DSCAM: variants seen among roughly 807,000 people sequenced by gnomAD.
DSCAM encodes the protein DS cell adhesion molecule.
DSCAM carries 47 observed loss-of-function variants against 217.7 expected under a neutral mutation model. That is an observed-to-expected ratio of 0.22 (90% confidence interval 0.17 to 0.28). The LOEUF is 0.28. DSCAM is among the 10% of genes least tolerant of loss of function. The pLI, the probability that DSCAM is intolerant of heterozygous loss-of-function variation, is 1.00. For synonymous variants in DSCAM, 1,056 were observed against 1,015.3 expected (o/e 1.04, Z -0.76); for missense variants, 2,080 against 2,618.3 (o/e 0.79, Z 4.49).
chr21:40,269,556 A>T (rs531797144), intron 11 of DSCAM, among the ~76,000 whole-genome samples: 1 of 152,306 alleles, frequency 6.6e-6, no homozygotes, highest in Admixed American at 6.5e-5. Context: ...ACAAAGTTCC[A>T]CAAACTGGGG....
At chr21:40,782,369 G>A (rs1415230738) in intron 1 of DSCAM, among the ~76,000 whole-genome samples, 1 of 152,126 alleles carries the variant, frequency 6.6e-6, no homozygotes, top group African/African-American at 2.4e-5. Context: ...ATTAGCCTAA[G>A]CATCTTAGTT....
At chr21:40,145,983 T>TATAG (rs2090351873) in intron 16 of DSCAM, among the ~76,000 whole-genome samples, 1 of 47,362 alleles carries the variant, frequency 2.1e-5, no homozygotes, top group African/African-American at 3.7e-5. Flanking sequence ...CATGTGTATG[T>TATAG]ATGTATACAT....
chr21:40,697,924 T>C (rs757632771), intron 2 of DSCAM, among the ~76,000 whole-genome samples: 10 of 152,196 alleles, frequency 6.6e-5, no homozygotes, highest in South Asian at 2.1e-4. Flanking sequence ...TTGAGTAGTA[T>C]AGATATTTTA....
At chr21:40,118,669 T>C (rs547495102) in intron 20 of DSCAM, among the ~76,000 whole-genome samples, 55 of 152,364 alleles carry the variant, frequency 3.6e-4, no homozygotes, top group African/African-American at 1.3e-3. Context: ...TCTGATCATA[T>C]TACCCTTTCC....
chr21:40,081,291 C>G (rs2089452404), intron 24 of DSCAM, among the ~76,000 whole-genome samples: 1 of 150,948 alleles, frequency 6.6e-6, no homozygotes, highest in Admixed American at 6.6e-5. Flanking sequence ...CTATTCCTGT[C>G]CTGTGGAGCT....
chr21:40,013,204 T>TGGAGGAGGC lies in DSCAM; in HGVS notation c.5860_5868dup (p.Ala1954_Ser1956dup), dbSNP rs763074423. 40 of 1,613,554 alleles carry TGGAGGAGGC rather than the reference T, an allele frequency of 2.5e-5. No individual in the cohort carries two copies. The highest frequency in any genetic ancestry group is 2.1e-5 in the Non-Finnish European group (25 of 1,179,860). On this transcript the variant is annotated inframe_insertion, in exon 33 of 33. Coordinates refer to ENST00000400454, the MANE Select transcript of DSCAM (RefSeq NM_001389.5). ...GGCTGCCACGACTGTCCTTCTCTCG[T>TGGAGGAGGC]GGAGGAGGCGGAGGAGGCGGCTTCC... is the stretch of plus-strand genomic sequence containing the variant.
intron 8 of DSCAM, among the ~76,000 whole-genome samples, chr21:40,328,616 G>T (rs1488392692): frequency 6.6e-6 from 1 of 151,968 alleles, no homozygotes; most frequent in African/African-American, 2.4e-5. Context: ...GACAACAAAC[G>T]CAAAAATAGA....
chr21:40,328,858 C>A (rs969625496), intron 8 of DSCAM, among the ~76,000 whole-genome samples: 7 of 151,970 alleles, frequency 4.6e-5, no homozygotes, highest in African/African-American at 1.7e-4. Context: ...GGCAATGAAC[C>A]TGAATAAACA....
chr21:40,052,925 A>G (rs922095105), intron 29 of DSCAM, among the ~76,000 whole-genome samples: 12 of 152,118 alleles, frequency 7.9e-5, no homozygotes, highest in African/African-American at 2.7e-4. Flanking sequence ...ACCTTGTGAT[A>G]TGTTTCATAC....
rs539056963 is a variant in DSCAM, at chr21:40,178,865, T to C, written c.2947+62A>G. The C allele has an allele frequency of 3.9e-5, 62 of 1,600,796 alleles. No individual in the cohort carries two copies. The East Asian group carries it at 1.3e-3, about 35-fold the overall frequency. ...AGGTCTGCTTCTGCATTTAAGCATC[T>C]GAGCCCTCAAGAGTTAGCTCCCGGG... On this transcript the variant is annotated intron_variant, in intron 15 of 32. Transcript: ENST00000400454.
At chr21:40,450,227 C>G (rs927685178) in intron 3 of DSCAM, among the ~76,000 whole-genome samples, 6 of 152,192 alleles carry the variant, frequency 3.9e-5, no homozygotes, top group African/African-American at 1.4e-4. Context: ...AATAATACAT[C>G]TGAAGATTCC....
chr21:40,142,116 A>G (rs891401458), intron 18 of DSCAM, among the ~76,000 whole-genome samples: 2 of 152,162 alleles, frequency 1.3e-5, no homozygotes, highest in African/African-American at 2.4e-5. Flanking sequence ...GCCCCCCTCC[A>G]TGTGCCTGGG....
chr21:40,184,702 A>G (rs1298799986), intron 14 of DSCAM, among the ~76,000 whole-genome samples: 10 of 152,232 alleles, frequency 6.6e-5, no homozygotes, highest in Admixed American at 6.5e-4. Flanking sequence ...AATGCAATAA[A>G]CATTTACAGT....
intron 9 of DSCAM, 148 bp downstream of exon 9, chr21:40,311,933 A>AT (rs34579385): frequency 0.011 from 2,164 of 202,472 alleles, 131 homozygotes; most frequent in African/African-American, 0.02. Flanking sequence ...TTAGAGTCGT[A>AT]TTTTTTTTTT....
At chr21:40,725,559 C>G (rs188957848) in intron 1 of DSCAM, among the ~76,000 whole-genome samples, 1 of 152,324 alleles carries the variant, frequency 6.6e-6, no homozygotes, top group African/African-American at 2.4e-5. Flanking sequence ...AACATTTGTA[C>G]CTTGAATGCA....
At chr21:40,198,837 C>T (rs1030134556) in intron 11 of DSCAM, among the ~76,000 whole-genome samples, 2 of 152,234 alleles carry the variant, frequency 1.3e-5, no homozygotes, top group African/African-American at 4.8e-5. Context: ...TTGCAAAACA[C>T]AATTTCAAAG....
chr21:40,259,275 T>TC (rs1555895625), intron 11 of DSCAM, among the ~76,000 whole-genome samples: 1 of 128,998 alleles, frequency 7.8e-6, no homozygotes, highest in East Asian at 2.0e-4. Context: ...TTTAATGAAC[T>TC]CTTTTTTTTT....
intron 3 of DSCAM, among the ~76,000 whole-genome samples, chr21:40,489,668 G>A (rs1321096049): frequency 4.7e-5 from 7 of 150,006 alleles, no homozygotes; most frequent in South Asian, 2.1e-4. Flanking sequence ...CCAGCTACTC[G>A]GGAGGCTGAG....
chr21:40,385,832 G>GA (rs2075079597), intron 3 of DSCAM, among the ~76,000 whole-genome samples: 1 of 152,102 alleles, frequency 6.6e-6, no homozygotes, highest in Non-Finnish European at 1.5e-5. Context: ...GCCTTTGTCA[G>GA]AAAAAAGTGG....
Sources: allele counts gnomAD v4.1 joint callset (sites outside exome capture counted in the v4.1 genomes callset), GRCh38; gene constraint gnomAD v4.1.1; transcripts MANE v1.5; gene names NCBI Gene and HGNC (gene_info 2026-07-23, HGNC 2026-07-21).